The following MYH16 variants were observed in gnomAD, a reference collection of about 807,000 sequenced individuals.
The protein encoded by MYH16 is putative uncharacterized protein MYH16.
chr7:99,260,362 G>T, intron 12 of MYH16: 1 of 1,099,782 alleles, frequency 9.1e-7, no homozygotes, highest in East Asian at 2.7e-5. Flanking sequence ...GGAGGGATTG[G>T]AGAGAGGCCA....
intron 18 of MYH16, among the ~76,000 whole-genome samples, chr7:99,269,194 A>G (rs948283512): frequency 3.7e-4 from 56 of 151,968 alleles, no homozygotes. Flanking sequence ...CAGAATGTCA[A>G]CCTTTCATGT....
downstream of MYH16, chr7:99,310,693 G>A (rs1484559224): frequency 6.6e-6 from 1 of 152,198 alleles, no homozygotes. Flanking sequence ...TGACCCACAT[G>A]GACTTGCTCA....
intron 20 of MYH16, among the ~76,000 whole-genome samples, chr7:99,277,215 C>T (rs931462927): frequency 5.3e-5 from 8 of 152,124 alleles, no homozygotes; most frequent in African/African-American, 1.7e-4. Context: ...CTGGTGTCTA[C>T]ACAACATGCA....
At chr7:99,277,286 G>A (rs1410557277) in intron 20 of MYH16, among the ~76,000 whole-genome samples, 4 of 152,152 alleles carry the variant, frequency 2.6e-5, no homozygotes, top group Non-Finnish European at 5.9e-5. Context: ...TGTCCCTCAG[G>A]ATTAAAGAGC....
At chr7:99,258,016 A>C (rs1164593321) in intron 10 of MYH16, 2 of 151,556 alleles carry the variant, frequency 1.3e-5, no homozygotes, top group African/African-American at 4.9e-5. Context: ...GATCTCCTCC[A>C]CCCTCCCTTT....
At chr7:99,284,514 A>G (rs1489680162) in intron 25 of MYH16, among the ~76,000 whole-genome samples, 1 of 152,194 alleles carries the variant, frequency 6.6e-6, no homozygotes, top group Non-Finnish European at 1.5e-5. Flanking sequence ...ACTTAAGCCC[A>G]GGAGGTCAAG....
chr7:99,304,334 G>T (rs1792649725), intron 39 of MYH16, among the ~76,000 whole-genome samples: 1 of 152,144 alleles, frequency 6.6e-6, no homozygotes, highest in Non-Finnish European at 1.5e-5. Context: ...GTAGGGTTTG[G>T]CTTGAGTGTG....
Position 99,240,804 on chromosome 7 carries a change from C to T in MYH16, n.210+1766C>T, listed in dbSNP as rs114178131. 9.2e-3 allele frequency among the ~76,000 whole-genome samples: 1,388 copies of T among 150,254 alleles called. 21 individuals carry two copies. The highest frequency in any genetic ancestry group is 0.032 in the African/African-American group (1,332 of 40,992). ...GCAGTGAGCTAGGATTGCACTGCTGCACTCCAGCCTGGGTGACAGACAGAA... is the reference window on the plus strand; with the variant it reads ...GCAGTGAGCTAGGATTGCACTGCTGTACTCCAGCCTGGGTGACAGACAGAA... On this transcript the variant is annotated intron_variant and non_coding_transcript_variant, in intron 1 of 41. Transcript: ENST00000439784.
chr7:99,277,553 G>C, exon 21 of MYH16: 2 of 457,174 alleles, frequency 4.4e-6, no homozygotes, highest in Non-Finnish European at 8.8e-6. Context: ...AGCCACTCCT[G>C]AATGTGGCTC....
chr7:99,310,061 A>T (rs10046490), downstream of MYH16, among the ~76,000 whole-genome samples: 12,290 of 152,234 alleles, frequency 0.081, 1,263 homozygotes, highest in African/African-American at 0.24. Context: ...GAAAAAAATT[A>T]AAAACATAAA....
At chr7:99,266,124 T>G (rs1791984746) in intron 17 of MYH16, among the ~76,000 whole-genome samples, 2 of 151,674 alleles carry the variant, frequency 1.3e-5, no homozygotes, top group Admixed American at 1.3e-4. Context: ...GCTCTTCTGG[T>G]CCAAAAAAAA....
At chr7:99,260,373 G>GTGACATCCCTTGGCCCT in intron 12 of MYH16, 1 of 885,838 alleles carries the variant, frequency 1.1e-6, no homozygotes. Flanking sequence ...AGAGAGGCCA[G>GTGACATCCCTTGGCCCT]GGCCAAGGGA....
chr7:99,287,271 G>A lies in MYH16; in HGVS notation n.3461-621G>A, dbSNP rs186862198. Among the ~76,000 whole-genome samples, 28 of 152,230 alleles carry A rather than the reference G, an allele frequency of 1.8e-4. No individual in the cohort carries two copies. In the East Asian group the frequency reaches 4.8e-3, roughly 26 times the overall value. ...AGTCCGGCCGGGCACGGTGGCTCAC[G>A]CCTGTACTCCCAGCACTTTGGGAGG... On this transcript the variant is annotated intron_variant and non_coding_transcript_variant, in intron 28 of 41. Transcript: ENST00000439784.
intron 36 of MYH16, among the ~76,000 whole-genome samples, 159 bp downstream of exon 17, chr7:99,298,154 G>A (rs2050770803): frequency 6.6e-6 from 1 of 151,868 alleles, no homozygotes; most frequent in South Asian, 2.1e-4. Flanking sequence ...AATAAAGACT[G>A]TACCTCACAC....
At chr7:99,268,605 G>A (rs1479268361) in intron 18 of MYH16, among the ~76,000 whole-genome samples, 2 of 152,206 alleles carry the variant, frequency 1.3e-5, no homozygotes, top group South Asian at 2.1e-4. Flanking sequence ...TTTGCTCCCT[G>A]AGGACTAGGC....
chr7:99,255,217 C>T (rs1475560797), intron 8 of MYH16, among the ~76,000 whole-genome samples: 1 of 151,934 alleles, frequency 6.6e-6, no homozygotes, highest in Non-Finnish European at 1.5e-5. Context: ...TGCAGTGGGC[C>T]GAGATTGCGC....
intron 38 of MYH16, among the ~76,000 whole-genome samples, chr7:99,302,015 C>A (rs1416694344): frequency 6.6e-6 from 1 of 152,126 alleles, no homozygotes; most frequent in Non-Finnish European, 1.5e-5. Flanking sequence ...AAATATATCC[C>A]AGCCTGGGCC....
At chr7:99,289,060 G>C (rs1211621049) in intron 29 of MYH16, among the ~76,000 whole-genome samples, 2 of 151,558 alleles carry the variant, frequency 1.3e-5, no homozygotes, top group African/African-American at 4.9e-5. Flanking sequence ...GCTACAGTGA[G>C]CTCTGATTGC....
chr7:99,296,094 T>C (rs567908743), intron 33 of MYH16, among the ~76,000 whole-genome samples: 1 of 143,276 alleles, frequency 7.0e-6, no homozygotes, highest in Admixed American at 7.3e-5. Flanking sequence ...CAGTGAGCCA[T>C]GATCATGCCA....
Sources: gnomAD v4.1 joint callset for allele counts (sites outside exome capture counted in the v4.1 genomes callset) on GRCh38, gnomAD v4.1.1 for gene constraint, MANE v1.5 for transcripts, NCBI Gene and HGNC (gene_info 2026-07-23, HGNC 2026-07-21) for gene names.